CSGALNACT1: variants seen among roughly 807,000 people sequenced by gnomAD.
CSGALNACT1 encodes the protein chondroitin sulfate N-acetylgalactosaminyltransferase 1, also known as beta4GalNAcT-1.
CSGALNACT1 carries 52 observed loss-of-function variants against 51.0 expected under a neutral mutation model. The ratio of observed to expected loss-of-function variants is 1.02; its 90% CI spans 0.82 to 1.29. CSGALNACT1 has a LOEUF of 1.29. CSGALNACT1 is among the 50% of genes most tolerant of loss of function. The pLI is 0.00. For synonymous variants in CSGALNACT1, 341 were observed against 254.4 expected, an observed-to-expected ratio of 1.34 and a Z score of -3.24; for missense variants, 935 against 679.2, an observed-to-expected ratio of 1.38 and a Z score of -4.19.
At chr8:19,676,396 G>A (rs987587286) in intron 1 of CSGALNACT1, among the ~76,000 whole-genome samples, 2 of 152,152 alleles carry the variant, frequency 1.3e-5, no homozygotes, top group African/African-American at 4.8e-5. Context: ...GAACCCAGTG[G>A]AAATTATAGA....
At chr8:19,527,370 G>A (rs1349071166) in intron 3 of CSGALNACT1, among the ~76,000 whole-genome samples, 2 of 152,130 alleles carry the variant, frequency 1.3e-5, no homozygotes, top group African/African-American at 4.8e-5. Flanking sequence ...GGAGGCTGAG[G>A]AGGGTGGATC....
At chr8:19,601,824 G>A (rs1453684759) in exon 2 of CSGALNACT1, 2 of 454,022 alleles carry the variant, frequency 4.4e-6, no homozygotes, top group African/African-American at 2.0e-5. Flanking sequence ...GCTCCTCTGG[G>A]TCAAAATTAC....
chr8:19,590,343 G>T (rs1038210057), intron 3 of CSGALNACT1, among the ~76,000 whole-genome samples: 1 of 152,172 alleles, frequency 6.6e-6, no homozygotes, highest in Non-Finnish European at 1.5e-5. Context: ...ACATCTATTG[G>T]ACATCATACA....
intron 3 of CSGALNACT1, chr8:19,587,727 G>T (rs986160600): frequency 6.6e-6 from 1 of 152,116 alleles, no homozygotes; most frequent in Non-Finnish European, 1.5e-5. Flanking sequence ...AAGAGAAACT[G>T]GTACTCTCCA....
chr8:19,615,844 AT>A (rs1207371611), intron 1 of CSGALNACT1, among the ~76,000 whole-genome samples: 5 of 152,020 alleles, frequency 3.3e-5, no homozygotes, highest in Non-Finnish European at 7.3e-5. Context: ...TCAAAAGACC[AT>A]TTAACAGGAC....
chr8:19,517,496 G>A (rs1452337203), intron 3 of CSGALNACT1, among the ~76,000 whole-genome samples: 1 of 152,176 alleles, frequency 6.6e-6, no homozygotes, highest in Non-Finnish European at 1.5e-5. Flanking sequence ...AGTGATCACT[G>A]TGGAAGGCTC....
upstream of CSGALNACT1, among the ~76,000 whole-genome samples, chr8:19,686,065 C>T (rs989883596): frequency 6.6e-6 from 1 of 152,174 alleles, no homozygotes; most frequent in Non-Finnish European, 1.5e-5. Context: ...ACACAAATGA[C>T]TACACAGCAC....
rs1447400725 is a variant in CSGALNACT1 at position 19,476,649 on chromosome 8, G to A, written c.635-18007C>T. ...ACTGCATGACCTAAGAGAAGAGAGT[G>A]AGGCAACACAGCTTCCACCTTGTTT... On this transcript the variant is annotated intron_variant, in intron 4 of 9. Coordinates refer to ENST00000454498, the Ensembl canonical transcript of CSGALNACT1. Among the ~76,000 whole-genome samples, 7 of 152,168 alleles carry A rather than the reference G, an allele frequency of 4.6e-5. No homozygotes were observed. The East Asian group carries it at 1.3e-3, about 29-fold the overall frequency.
At chr8:19,663,728 A>G (rs1275309628) in intron 1 of CSGALNACT1, among the ~76,000 whole-genome samples, 1 of 152,258 alleles carries the variant, frequency 6.6e-6, no homozygotes, top group African/African-American at 2.4e-5. Context: ...TAACTTGAGG[A>G]AAACGCAATA....
At chr8:19,701,889 A>G (rs192916747) in intron 1 of CSGALNACT1, among the ~76,000 whole-genome samples, 1 of 152,342 alleles carries the variant, frequency 6.6e-6, no homozygotes, top group Admixed American at 6.5e-5. Context: ...TATACACTGC[A>G]CAAATGAATA....
At chr8:19,599,441 G>C (rs1051437314) in intron 2 of CSGALNACT1, among the ~76,000 whole-genome samples, 1 of 100,352 alleles carries the variant, frequency 1.0e-5, no homozygotes, top group African/African-American at 4.0e-5. Context: ...AAGGAAGAAA[G>C]AAAAAGAAAA....
chr8:19,645,870 C>G (rs2057230010), intron 1 of CSGALNACT1, among the ~76,000 whole-genome samples: 1 of 152,116 alleles, frequency 6.6e-6, no homozygotes, highest in Non-Finnish European at 1.5e-5. Context: ...CTGTCCACCC[C>G]ACACCAACTC....
chr8:19,553,548 A>C (rs2088770744), intron 3 of CSGALNACT1, among the ~76,000 whole-genome samples: 1 of 149,886 alleles, frequency 6.7e-6, no homozygotes, highest in Non-Finnish European at 1.5e-5. Flanking sequence ...TATATACAAA[A>C]AGCTTAAACC....
chr8:19,624,963 C>T (rs1384781432), intron 1 of CSGALNACT1, among the ~76,000 whole-genome samples: 1 of 152,236 alleles, frequency 6.6e-6, no homozygotes, highest in Non-Finnish European at 1.5e-5. Context: ...AGGCGTGAGC[C>T]ACTGCACCCA....
At chr8:19,522,908 G>A (rs1436929236) in intron 3 of CSGALNACT1, among the ~76,000 whole-genome samples, 3 of 152,138 alleles carry the variant, frequency 2.0e-5, no homozygotes, top group Non-Finnish European at 2.9e-5. Context: ...TGTGGTGAGC[G>A]GAGTTTCCTG....
At position 19,525,615 on chromosome 8, in the gene CSGALNACT1, CAAAAAAAAAAAAAA is replaced by C. The variant is rs34787475; in HGVS notation, c.-296-19499_-296-19486del. 1.5e-3 allele frequency among the ~76,000 whole-genome samples: 30 copies of C among 20,390 alleles called. No individual in the cohort carries two copies. In the South Asian group the frequency reaches 0.016, roughly 11 times the overall value. 13.4% of individuals were successfully genotyped at this position (20,390 alleles called of 152,430 possible). A position where few individuals can be genotyped will look rare whatever the true frequency, so the allele number is the denominator to read the frequency against. On this transcript the variant is annotated intron_variant, in intron 3 of 9. Transcript: ENST00000454498. ...CTGGCTGACAGAGGGAAACTTGTCCCAAAAAAAAAAAAAAAAAAAAAAAAAAAAAAAAAAGTAGA... is the reference window on the plus strand; with the variant it reads ...CTGGCTGACAGAGGGAAACTTGTCCCAAAAAAAAAAAAAAAAAAAAGTAGA...
upstream of CSGALNACT1, among the ~76,000 whole-genome samples, chr8:19,606,980 C>T (rs577143141): frequency 1.3e-5 from 2 of 151,998 alleles, no homozygotes; most frequent in Non-Finnish European, 2.9e-5. Flanking sequence ...ACGGGGAAAC[C>T]CTGTCTGTAC....
At chr8:19,720,118 G>A (rs1350752403) in intron 1 of CSGALNACT1, among the ~76,000 whole-genome samples, 1 of 152,218 alleles carries the variant, frequency 6.6e-6, no homozygotes. Context: ...AAAGGGCACT[G>A]GTGACATGGA....
intron 4 of CSGALNACT1, among the ~76,000 whole-genome samples, chr8:19,478,368 C>T (rs966867026): frequency 1.8e-4 from 24 of 135,844 alleles, no homozygotes; most frequent in Non-Finnish European, 3.2e-4. Context: ...GAGCCGAGAT[C>T]GCACCACTGC....
Sources: allele counts gnomAD v4.1 joint callset (sites outside exome capture counted in the v4.1 genomes callset), GRCh38; gene constraint gnomAD v4.1.1; transcripts MANE v1.5; gene names NCBI Gene and HGNC (gene_info 2026-07-23, HGNC 2026-07-21).